The following RANBP17 variants were observed in gnomAD, a reference collection of about 807,000 sequenced individuals.
RANBP17 encodes RAN binding protein 17.
In RANBP17, 158 loss-of-function variants were observed where a neutral mutation model predicts 141.2. That is an observed-to-expected ratio of 1.12 (90% confidence interval 0.98 to 1.28). The LOEUF (loss-of-function observed/expected upper bound fraction) is 1.28. RANBP17 is among the 50% of genes most tolerant of loss of function. RANBP17 has a pLI of 0.00. For missense variants in RANBP17, 1,438 were observed against 1,290.7 expected (o/e 1.11, Z -1.75); for synonymous variants, 430 against 450.0 (o/e 0.96, Z 0.56).
chr5:171,088,307 T>C (rs1021809666), intron 14 of RANBP17, among the ~76,000 whole-genome samples: 16 of 152,334 alleles, frequency 1.1e-4, no homozygotes, highest in African/African-American at 3.6e-4. Context: ...CTCTTCTGGC[T>C]TATAGGGTTT....
intron 24 of RANBP17, among the ~76,000 whole-genome samples, chr5:171,259,174 A>G (rs1766119586): frequency 6.6e-6 from 1 of 152,242 alleles, no homozygotes. Context: ...GTGAGATACC[A>G]TCTTACCCCT....
chr5:171,008,339 C>G (rs1243890367), intron 14 of RANBP17, among the ~76,000 whole-genome samples: 1 of 152,186 alleles, frequency 6.6e-6, no homozygotes, highest in African/African-American at 2.4e-5. Context: ...AGGTGGATCT[C>G]TTCACGGAGT....
In RANBP17 at chr5:171,276,756, C is replaced by A. The variant is rs796924757; in HGVS notation, c.2943+10909C>A. On this transcript the variant is annotated intron_variant, in intron 25 of 27. Coordinates refer to ENST00000523189, the MANE Select transcript of RANBP17 (RefSeq NM_022897.5). ...TATTTCATAAGGGAAGAAAGGACAG[C>A]TACACAGGGTTAGCCCAATAATAAT... Among the ~76,000 whole-genome samples the A allele has an allele frequency of 2.0e-5, 3 of 152,116 alleles. No individual in the cohort carries two copies. The East Asian group carries it at 5.8e-4, about 29-fold the overall frequency.
At chr5:171,285,093 A>G (rs1260296214) in intron 25 of RANBP17, among the ~76,000 whole-genome samples, 3 of 152,290 alleles carry the variant, frequency 2.0e-5, no homozygotes, top group Non-Finnish European at 2.9e-5. Flanking sequence ...TCGTTCCTCA[A>G]ACATGCCAAG....
rs1764988862 is a variant in RANBP17, at chr5:171,243,063, A to T, written c.2776+243A>T. Reference sequence around the variant, plus strand: ...ACATACAATAAAATTCAGTGACTTTAAGTGGATAGTTCAGTGAGTCCTTGT... The same window carrying T: ...ACATACAATAAAATTCAGTGACTTTTAGTGGATAGTTCAGTGAGTCCTTGT... On this transcript the variant is annotated intron_variant, in intron 24 of 27. Coordinates refer to ENST00000523189, the MANE Select transcript of RANBP17 (RefSeq NM_022897.5). The T allele has an allele frequency of 1.0e-5, 5 of 483,910 alleles. No homozygotes were observed. The Admixed American group carries it at 1.9e-4, about 18-fold the overall frequency. The allele number at this position is 483,910 out of a possible 1,614,324, so 30.0% of individuals were successfully genotyped here.
At chr5:171,019,098 G>A (rs182463851) in intron 14 of RANBP17, among the ~76,000 whole-genome samples, 1 of 152,126 alleles carries the variant, frequency 6.6e-6, no homozygotes, top group South Asian at 2.1e-4. Flanking sequence ...TGTATCCGAG[G>A]GATGAAGCTG....
At chr5:171,044,065 T>A (rs1782420392) in intron 14 of RANBP17, among the ~76,000 whole-genome samples, 1 of 152,176 alleles carries the variant, frequency 6.6e-6, no homozygotes, top group South Asian at 2.1e-4. Context: ...TACACACACA[T>A]GTATTTCCTA....
At chr5:171,289,574 C>CA in intron 25 of RANBP17, among the ~76,000 whole-genome samples, 1 of 152,014 alleles carries the variant, frequency 6.6e-6, no homozygotes. Flanking sequence ...CTGGTCTCTA[C>CA]AAAAAAATCA....
At chr5:171,149,286 T>C (rs149032111) in intron 14 of RANBP17, among the ~76,000 whole-genome samples, 2 of 152,240 alleles carry the variant, frequency 1.3e-5, no homozygotes, top group Non-Finnish European at 2.9e-5. Context: ...TTTTCATGTG[T>C]CCACTGAAGT....
At chr5:171,272,935 C>G (rs577240278) in intron 25 of RANBP17, among the ~76,000 whole-genome samples, 12 of 152,140 alleles carry the variant, frequency 7.9e-5, no homozygotes, top group Non-Finnish European at 1.6e-4. Context: ...ACACCCACAC[C>G]CATTCATTAA....
At chr5:171,151,952 C>A (rs1450585984) in intron 14 of RANBP17, among the ~76,000 whole-genome samples, 1 of 152,056 alleles carries the variant, frequency 6.6e-6, no homozygotes, top group Non-Finnish European at 1.5e-5. Context: ...TGAACTCCCC[C>A]AAGGAACTGG....
chr5:171,247,985 C>CT (rs1337206306), intron 24 of RANBP17, among the ~76,000 whole-genome samples: 1 of 152,198 alleles, frequency 6.6e-6, no homozygotes, highest in Admixed American at 6.5e-5. Flanking sequence ...GACATCTGCC[C>CT]TCTCCCAAAA....
At chr5:170,930,778 T>C (rs146765766) in intron 12 of RANBP17, among the ~76,000 whole-genome samples, 4,079 of 152,302 alleles carry the variant, frequency 0.027, 170 homozygotes, top group African/African-American at 0.093. Context: ...CCATGGTGTA[T>C]GTGTGTCACA....
chr5:171,123,349 C>T (rs1437152306), intron 14 of RANBP17, among the ~76,000 whole-genome samples: 1 of 152,224 alleles, frequency 6.6e-6, no homozygotes, highest in Non-Finnish European at 1.5e-5. Flanking sequence ...CACTTGTACA[C>T]CAGATGCCAG....
At chr5:171,095,028 T>A (rs776853964) in intron 14 of RANBP17, among the ~76,000 whole-genome samples, 1 of 152,180 alleles carries the variant, frequency 6.6e-6, no homozygotes, top group East Asian at 1.9e-4. Flanking sequence ...TCCAACATGT[T>A]ATAACATAGC....
intron 19 of RANBP17, among the ~76,000 whole-genome samples, chr5:171,201,486 C>A (rs887384675): frequency 1.3e-5 from 2 of 152,230 alleles, no homozygotes; most frequent in African/African-American, 4.8e-5. Flanking sequence ...GCACTCCGTG[C>A]TTCCGTCCTA....
At chr5:170,900,281 T>G (rs141178491) in intron 5 of RANBP17, among the ~76,000 whole-genome samples, 4,452 of 152,252 alleles carry the variant, frequency 0.029, 219 homozygotes, top group African/African-American at 0.099. Flanking sequence ...TTCTTCTAGA[T>G]TTTCTAGTTT....
At position 171,006,611 on chromosome 5, in the gene RANBP17, G is replaced by A. The variant is rs903460593; in HGVS notation, c.1710+38234G>A. Among the ~76,000 whole-genome samples, 7 of 152,082 alleles carry A rather than the reference G, an allele frequency of 4.6e-5. No individual in the cohort carries two copies. In the East Asian group the frequency reaches 7.7e-4, roughly 17 times the overall value. ...GGGCCTATTGTGGGGTGGGGGAAGC[G>A]GGAGGGATAGTATTAGGAGATATAC... On this transcript the variant is annotated intron_variant, in intron 14 of 27. Coordinates refer to ENST00000523189, the MANE Select transcript of RANBP17 (RefSeq NM_022897.5).
At chr5:171,012,794 T>C (rs914310736) in intron 14 of RANBP17, among the ~76,000 whole-genome samples, 2 of 152,188 alleles carry the variant, frequency 1.3e-5, no homozygotes, top group African/African-American at 4.8e-5. Flanking sequence ...ACAAGTTGAA[T>C]ATTTTCTTTT....
Sources: gnomAD v4.1 joint callset for allele counts (sites outside exome capture counted in the v4.1 genomes callset) on GRCh38, gnomAD v4.1.1 for gene constraint, MANE v1.5 for transcripts, NCBI Gene and HGNC (gene_info 2026-07-23, HGNC 2026-07-21) for gene names.